HABP4: variants seen among roughly 807,000 people sequenced by gnomAD.
The protein encoded by HABP4 is intracellular hyaluronan-binding protein 4.
A neutral mutation model predicts 44.1 loss-of-function variants in HABP4; 32 were observed. That is an observed-to-expected ratio of 0.73 (90% confidence interval 0.55 to 0.97). The LOEUF (loss-of-function observed/expected upper bound fraction) is 0.97, where lower values mean the gene tolerates loss of function less well. HABP4 is among the 50% of genes least tolerant of loss of function. The pLI is 0.00. For missense variants in HABP4, 503 were observed against 561.9 expected (o/e 0.90, Z 1.06); for synonymous variants, 216 against 218.0 (o/e 0.99, Z 0.08).
At position 96,490,118 on chromosome 9, in the gene HABP4, A is replaced by C; in HGVS notation, c.*80A>C. The stretch of plus-strand genomic sequence containing the variant: ...TTTCCAGCTGGGCCAAGGGAGTCAG[A>C]CTCTAAGAACAATAGATGTTGCTTT... On this transcript the variant is annotated 3_prime_UTR_variant, in exon 8 of 8. Coordinates refer to ENST00000375249, the MANE Select transcript of HABP4 (RefSeq NM_014282.4). 1 of 848,854 alleles carries C rather than the reference A, an allele frequency of 1.2e-6. No homozygotes were observed. The allele number at this position is 848,854 out of a possible 1,614,324, so 52.6% of individuals were successfully genotyped here.
At chr9:96,475,418 AATAACATTTTT>A in intron 5 of HABP4, among the ~76,000 whole-genome samples, 1 of 151,874 alleles carries the variant, frequency 6.6e-6, no homozygotes, top group African/African-American at 2.4e-5. Flanking sequence ...GAAGAAAAAG[AATAACATTTTT>A]AGAGCATTTG....
At chr9:96,470,938 C>T (rs965305289) in intron 4 of HABP4, 73 bp from the exon 5 acceptor site, 3 of 807,976 alleles carry the variant, frequency 3.7e-6, no homozygotes, top group Non-Finnish European at 6.2e-6. Context: ...ACAATGTTTT[C>T]TCCTTCTTAA....
intron 1 of HABP4, among the ~76,000 whole-genome samples, chr9:96,455,378 G>A (rs891796644): frequency 3.3e-5 from 5 of 150,738 alleles, no homozygotes; most frequent in Non-Finnish European, 7.4e-5. Context: ...CTTGAACCTG[G>A]GTAACAGAGG....
Position 96,488,293 on chromosome 9 carries a change from G to A in HABP4, c.1185+19G>A, listed in dbSNP as rs774163974. 42 of 1,577,240 alleles carry A rather than the reference G, an allele frequency of 2.7e-5. No homozygotes were observed. The highest frequency in any genetic ancestry group is 1.5e-4 in the Admixed American group (9 of 58,612). On this transcript the variant is annotated intron_variant, in intron 7 of 7. Coordinates refer to ENST00000375249, the MANE Select transcript of HABP4 (RefSeq NM_014282.4). This position sits in a 1 kb window ranked among gnomAD's most constrained non-coding sequence, Gnocchi z 4.6. ...AGTGGTGGTAGGTGTCTGTATTGACGGTTTGGCGAAAGAAGTTAATAAGGA... is the reference window on the plus strand; with the variant it reads ...AGTGGTGGTAGGTGTCTGTATTGACAGTTTGGCGAAAGAAGTTAATAAGGA...
At chr9:96,472,064 C>T (rs1832707610) in intron 5 of HABP4, among the ~76,000 whole-genome samples, 1 of 152,088 alleles carries the variant, frequency 6.6e-6, no homozygotes, top group South Asian at 2.1e-4. Context: ...GCTGGGATTA[C>T]AGGCATGAGC....
chr9:96,456,783 ATATATATATATATATATATAT>A (rs1832398484), intron 1 of HABP4, among the ~76,000 whole-genome samples: 22 of 41,852 alleles, frequency 5.3e-4, no homozygotes, highest in South Asian at 2.6e-3. Flanking sequence ...AAAAAAAAAT[ATATATATATATATATATATAT>A]ATATATATAT....
At chr9:96,473,248 G>T (rs899410370) in intron 5 of HABP4, among the ~76,000 whole-genome samples, 4 of 152,136 alleles carry the variant, frequency 2.6e-5, no homozygotes, top group African/African-American at 9.7e-5. Flanking sequence ...AGATGCTCCT[G>T]TGCCCAGCCT....
At chr9:96,452,303 C>T (rs1832298348) in intron 1 of HABP4, among the ~76,000 whole-genome samples, 1 of 151,658 alleles carries the variant, frequency 6.6e-6, no homozygotes. Context: ...TGATTTTTAG[C>T]CTTTTTAAAA....
Position 96,450,704 on chromosome 9 carries a change from G to C in HABP4, c.349+76G>C, listed in dbSNP as rs1470728769. ...CTGGGGTCCCGGGGGCCGGTTTCAG[G>C]AGGAGGGGCCCGGGAACAGTAGGGA... On this transcript the variant is annotated intron_variant, in intron 1 of 7. Coordinates refer to ENST00000375249, the MANE Select transcript of HABP4 (RefSeq NM_014282.4). The surrounding 1 kb of genome is among the most constrained non-coding windows in gnomAD (Gnocchi z 4.8). The C allele has an allele frequency of 9.5e-6, 11 of 1,160,636 alleles. No homozygotes were observed. Among genetic ancestry groups the C allele is most frequent in the Non-Finnish European group, 1.1e-5 (10 of 927,970 alleles). 71.9% of individuals were successfully genotyped at this position (1,160,636 alleles called of 1,614,324 possible). A position where few individuals can be genotyped will look rare whatever the true frequency, so the allele number is the denominator to read the frequency against.
intron 1 of HABP4, among the ~76,000 whole-genome samples, chr9:96,452,766 CT>C (rs1296342118): frequency 5.3e-5 from 8 of 152,020 alleles, no homozygotes; most frequent in Non-Finnish European, 1.0e-4. Context: ...AAGCACTGTA[CT>C]TTTCTAACAT....
intron 5 of HABP4, among the ~76,000 whole-genome samples, chr9:96,480,779 T>C (rs1832863284): frequency 6.6e-6 from 1 of 152,244 alleles, no homozygotes; most frequent in Non-Finnish European, 1.5e-5. Flanking sequence ...ACATTCACTG[T>C]TTTGACAAAT....
At chr9:96,451,997 G>T (rs1832290679) in intron 1 of HABP4, among the ~76,000 whole-genome samples, 2 of 152,276 alleles carry the variant, frequency 1.3e-5, no homozygotes, top group South Asian at 4.1e-4. Flanking sequence ...GGAGTCCGAG[G>T]CGGGCGGATC....
At chr9:96,477,081 G>A (rs1196735901) in intron 5 of HABP4, among the ~76,000 whole-genome samples, 3 of 152,254 alleles carry the variant, frequency 2.0e-5, no homozygotes, top group African/African-American at 7.2e-5. Flanking sequence ...TAGATATGAT[G>A]TCCTTTAAGC....
intron 6 of HABP4, among the ~76,000 whole-genome samples, chr9:96,487,198 C>T (rs1443715700): frequency 6.8e-6 from 1 of 147,812 alleles, no homozygotes; most frequent in Non-Finnish European, 1.5e-5. Context: ...CTCGTGGAAA[C>T]TTTGCTCCAT....
chr9:96,456,620 C>T (rs1019529427), intron 1 of HABP4, among the ~76,000 whole-genome samples: 19 of 150,800 alleles, frequency 1.3e-4, no homozygotes, highest in African/African-American at 3.9e-4. Flanking sequence ...ATTAGCTGGG[C>T]GTGGTGGCGG....
intron 7 of HABP4, among the ~76,000 whole-genome samples, chr9:96,489,240 C>T (rs962098077): frequency 4.6e-5 from 7 of 152,090 alleles, no homozygotes; most frequent in African/African-American, 1.4e-4. Context: ...GTCTATTCTG[C>T]GATAGGAAAC....
At chr9:96,479,791 A>G (rs1344801297) in intron 5 of HABP4, among the ~76,000 whole-genome samples, 1 of 152,124 alleles carries the variant, frequency 6.6e-6, no homozygotes, top group Non-Finnish European at 1.5e-5. Flanking sequence ...GTTTACAGAC[A>G]GGAGCCACCG....
intron 4 of HABP4, among the ~76,000 whole-genome samples, chr9:96,470,592 T>A (rs1048604912): frequency 6.6e-5 from 10 of 151,526 alleles, no homozygotes; most frequent in South Asian, 2.1e-4. Flanking sequence ...TGGTTACTTT[T>A]AAAAAAAAAC....
chr9:96,465,853 T>C, intron 4 of HABP4, 75 bp downstream of exon 4: 1 of 814,192 alleles, frequency 1.2e-6, no homozygotes, highest in East Asian at 2.5e-5. Flanking sequence ...TTCTTGAAAA[T>C]GATGTCTTCT....
Sources: allele counts gnomAD v4.1 joint callset (sites outside exome capture counted in the v4.1 genomes callset), GRCh38; gene constraint gnomAD v4.1.1; non-coding constraint Gnocchi (gnomAD v3.1); transcripts MANE v1.5; gene names NCBI Gene and HGNC (gene_info 2026-07-23, HGNC 2026-07-21).